DENND4C: variants seen among roughly 807,000 people sequenced by gnomAD.
DENND4C encodes DENN domain containing 4C.
DENND4C carries 108 observed loss-of-function variants against 203.0 expected under a neutral mutation model. The observed-to-expected ratio is 0.53, with a 90% CI of 0.46 to 0.62. DENND4C has a LOEUF of 0.62. Ranked by LOEUF, DENND4C falls within the 20% of genes least tolerant of loss-of-function variation. The probability of loss-of-function intolerance (pLI) is 0.00; values close to 1 mark genes in which losing one functional copy is unlikely to be tolerated. For missense variants in DENND4C, 2,481 were observed against 2,301.2 expected, an observed-to-expected ratio of 1.08 and a Z score of -1.60; for synonymous variants, 871 against 792.4, an observed-to-expected ratio of 1.10 and a Z score of -1.67.
intron 21 of DENND4C, among the ~76,000 whole-genome samples, chr9:19,341,687 A>C (rs1821695912): frequency 6.6e-6 from 1 of 152,178 alleles, no homozygotes; most frequent in South Asian, 2.1e-4. Context: ...ATTTGCCAAA[A>C]TTACATAGCT....
chr9:19,253,125 T>C (rs1000822981), intron 1 of DENND4C, among the ~76,000 whole-genome samples: 1 of 152,228 alleles, frequency 6.6e-6, no homozygotes, highest in African/African-American at 2.4e-5. Context: ...CGTAGTGTTG[T>C]TTGGACTTCT....
intron 1 of DENND4C, among the ~76,000 whole-genome samples, chr9:19,251,668 A>G (rs1019309998): frequency 2.0e-5 from 3 of 152,180 alleles, no homozygotes; most frequent in Non-Finnish European, 4.4e-5. Context: ...GCTGCTTAGA[A>G]ATTTCTTCTG....
At chr9:19,231,934 G>A (rs1371793661) in intron 1 of DENND4C, among the ~76,000 whole-genome samples, 1 of 152,116 alleles carries the variant, frequency 6.6e-6, no homozygotes, top group Non-Finnish European at 1.5e-5. Flanking sequence ...TTAGTGCTAA[G>A]GCGCTAAGTT....
rs548597064 is a variant in DENND4C, at chr9:19,309,060, T to G, written c.1487+3533T>G. On this transcript the variant is annotated intron_variant, in intron 10 of 32. Transcript: ENST00000434457. ...AGATTGATTAGTGATTGCCTTGGAA[T>G]GAAGAGGATGGGAGTATTGGAAGCT... Among the ~76,000 whole-genome samples the G allele has an allele frequency of 2.6e-5, 4 of 152,348 alleles. No homozygotes were observed. In the East Asian group the frequency reaches 7.7e-4, roughly 29 times the overall value.
At chr9:19,248,269 G>A (rs1336272333) in intron 1 of DENND4C, among the ~76,000 whole-genome samples, 3 of 152,144 alleles carry the variant, frequency 2.0e-5, no homozygotes, top group Non-Finnish European at 4.4e-5. Context: ...CAAAGACCAA[G>A]TTACTTACTG....
intron 1 of DENND4C, among the ~76,000 whole-genome samples, chr9:19,245,550 G>C (rs1233992247): frequency 6.9e-6 from 1 of 144,810 alleles, no homozygotes; most frequent in Non-Finnish European, 1.5e-5. Context: ...ACCATGATCT[G>C]TAACTTAAAA....
intron 22 of DENND4C, among the ~76,000 whole-genome samples, chr9:19,344,857 G>T (rs1317355523): frequency 6.6e-6 from 1 of 152,062 alleles, no homozygotes; most frequent in Non-Finnish European, 1.5e-5. Flanking sequence ...ATAGTTCTAG[G>T]GGCTGGAAAG....
At chr9:19,281,010 G>A (rs957657026) in intron 2 of DENND4C, among the ~76,000 whole-genome samples, 1 of 152,104 alleles carries the variant, frequency 6.6e-6, no homozygotes, top group African/African-American at 2.4e-5. Context: ...CGAAGTGCTG[G>A]GATTACAGGA....
intron 12 of DENND4C, among the ~76,000 whole-genome samples, chr9:19,323,387 A>G (rs1012846813): frequency 2.6e-5 from 4 of 151,624 alleles, no homozygotes; most frequent in Admixed American, 6.6e-5. Context: ...CCAAGATCAC[A>G]TTACTGCACT....
intron 1 of DENND4C, among the ~76,000 whole-genome samples, chr9:19,243,652 A>G (rs973941884): frequency 2.0e-5 from 3 of 152,172 alleles, no homozygotes; most frequent in Admixed American, 1.3e-4. Context: ...ACTTAGCATA[A>G]TGCTTTCTAG....
At chr9:19,284,122 A>ATT (rs1228103141) in intron 2 of DENND4C, among the ~76,000 whole-genome samples, 1 of 151,992 alleles carries the variant, frequency 6.6e-6, no homozygotes, top group Admixed American at 6.6e-5. Context: ...ACAAATTGAC[A>ATT]TTTTTTTTCA....
At chr9:19,314,019 T>G (rs1841259351) in intron 10 of DENND4C, among the ~76,000 whole-genome samples, 1 of 151,798 alleles carries the variant, frequency 6.6e-6, no homozygotes. Flanking sequence ...GAGGAAGAGG[T>G]TGCAGTGAGC....
At chr9:19,240,480 A>G (rs1446493683) in intron 1 of DENND4C, among the ~76,000 whole-genome samples, 2 of 151,950 alleles carry the variant, frequency 1.3e-5, no homozygotes, top group Non-Finnish European at 2.9e-5. Context: ...AGCCTGGTCA[A>G]CATAGTGAAA....
intron 2 of DENND4C, among the ~76,000 whole-genome samples, chr9:19,279,762 A>G (rs948685338): frequency 4.6e-5 from 7 of 151,962 alleles, no homozygotes; most frequent in Admixed American, 2.0e-4. Flanking sequence ...TGGGAGGATC[A>G]CTGGAGCCCA....
At chr9:19,362,833 GTTA>G (rs1826791267) in intron 30 of DENND4C, among the ~76,000 whole-genome samples, 1 of 152,162 alleles carries the variant, frequency 6.6e-6, no homozygotes, top group Admixed American at 6.5e-5. Flanking sequence ...TGTTTAAAGA[GTTA>G]TTATTCATGT....
intron 30 of DENND4C, among the ~76,000 whole-genome samples, 198 bp from the exon 31 acceptor site, chr9:19,369,639 C>T (rs1175344833): frequency 6.6e-6 from 1 of 151,632 alleles, no homozygotes; most frequent in East Asian, 1.9e-4. Context: ...TGGTGGCATA[C>T]ATCTGTAGTC....
intron 5 of DENND4C, among the ~76,000 whole-genome samples, chr9:19,291,912 C>T (rs1486436922): frequency 1.3e-5 from 2 of 152,070 alleles, no homozygotes; most frequent in Admixed American, 6.6e-5. Context: ...ATCCTAAGAG[C>T]TAATGGTTGA....
rs780225813 is a variant in DENND4C at position 19,372,119 on chromosome 9, A to G, written c.5823A>G (p.Pro1941=). 1 of 1,614,112 alleles carries G rather than the reference A, an allele frequency of 6.2e-7. No homozygotes were observed. The highest frequency in any genetic ancestry group is 8.5e-7 in the Non-Finnish European group (1 of 1,179,992). The stretch of plus-strand genomic sequence containing the variant: ...AAAGGTTGCAGAAAATTGATGCTCC[A>G]CCAAGTGCCAGTGTCGAGTGGTGCA... ...ILERLQKIDA[P]PSASVEWCRK... The change falls in exon 33 of 33, where the codon CCA becomes CCG. Residue 1941 remains proline (P), a synonymous_variant. Coordinates refer to ENST00000434457, the MANE Select transcript of DENND4C (RefSeq NM_001330640.2).
At chr9:19,304,615 C>T (rs1839281531) in intron 9 of DENND4C, among the ~76,000 whole-genome samples, 1 of 151,766 alleles carries the variant, frequency 6.6e-6, no homozygotes, top group Non-Finnish European at 1.5e-5. Context: ...CTGCTCACTG[C>T]AAGCTCCACC....
Sources: gnomAD v4.1 joint callset for allele counts (sites outside exome capture counted in the v4.1 genomes callset) on GRCh38, gnomAD v4.1.1 for gene constraint, MANE v1.5 for transcripts, NCBI Gene and HGNC (gene_info 2026-07-23, HGNC 2026-07-21) for gene names.